CELA1: variants seen among roughly 807,000 people sequenced by gnomAD.
The protein encoded by CELA1 is chymotrypsin like elastase 1, also known as chymotrypsin-like elastase family member 1.
A neutral mutation model predicts 34.8 loss-of-function variants in CELA1; 28 were observed. The observed-to-expected ratio is 0.80, with a 90% CI of 0.60 to 1.10. CELA1 has a LOEUF of 1.10. Ranked by LOEUF, CELA1 falls within the 50% of genes least tolerant of loss-of-function variation. The pLI is 0.00. For synonymous variants in CELA1, 140 were observed against 129.8 expected (o/e 1.08, Z -0.53); for missense variants, 288 against 327.5 (o/e 0.88, Z 0.93).
intron 6 of CELA1, among the ~76,000 whole-genome samples, chr12:51,336,536 A>G (rs1946500563): frequency 6.6e-6 from 1 of 152,218 alleles, no homozygotes; most frequent in Non-Finnish European, 1.5e-5. Context: ...CTGAGGTAGT[A>G]GAATCACTTG....
At chr12:51,341,408 C>T in intron 4 of CELA1, 28 bp from the exon 5 acceptor site, 1 of 1,613,392 alleles carries the variant, frequency 6.2e-7, no homozygotes. Context: ...ACTGCTCACT[C>T]ATGGGATCAG....
chr12:51,337,885 TG>T (rs1259135563), intron 6 of CELA1, among the ~76,000 whole-genome samples: 3 of 150,024 alleles, frequency 2.0e-5, no homozygotes, highest in Non-Finnish European at 4.4e-5. Flanking sequence ...AACTCCAGCC[TG>T]GGCAACAGAG....
intron 6 of CELA1, among the ~76,000 whole-genome samples, chr12:51,330,551 C>T (rs1946463496): frequency 6.6e-6 from 1 of 152,218 alleles, no homozygotes; most frequent in African/African-American, 2.4e-5. Context: ...GATCACCTGA[C>T]AGAGAATCCA....
chr12:51,336,282 G>T (rs1252695067), intron 6 of CELA1, among the ~76,000 whole-genome samples: 1 of 152,048 alleles, frequency 6.6e-6, no homozygotes, highest in Non-Finnish European at 1.5e-5. Flanking sequence ...TTTTTCCCTG[G>T]AATGGGATCT....
At chr12:51,342,880 A>G (rs1374630807) in intron 3 of CELA1, among the ~76,000 whole-genome samples, 180 bp from the exon 4 acceptor site, 2 of 151,598 alleles carry the variant, frequency 1.3e-5, no homozygotes, top group Non-Finnish European at 2.9e-5. Context: ...CCCAGGCTCA[A>G]GTGATCCTCC....
At chr12:51,341,863 T>C (rs1946537642) in intron 4 of CELA1, among the ~76,000 whole-genome samples, 1 of 152,162 alleles carries the variant, frequency 6.6e-6, no homozygotes, top group Admixed American at 6.5e-5. Flanking sequence ...AGATTCACTT[T>C]AGGAAATTTA....
chr12:51,341,381 C>T lies in CELA1; in HGVS notation c.327-1G>A, dbSNP rs1052301365. The T allele has an allele frequency of 6.2e-6, 10 of 1,614,098 alleles. No individual in the cohort carries two copies. Among genetic ancestry groups the T allele is most frequent in the Non-Finnish European group, 8.5e-6 (10 of 1,180,010 alleles). On this transcript the variant is annotated splice_acceptor_variant, in intron 4 of 7. Coordinates refer to ENST00000293636, the MANE Select transcript of CELA1 (RefSeq NM_001971.6). LOFTEE classifies it high-confidence loss of function. The stretch of plus-strand genomic sequence containing the variant: ...CAGGCGCAGCAGGGCGATGTCATAG[C>T]TGCAGGAGAAAAGGAGACTGCTCAC...
At chr12:51,332,288 C>T (rs1202540698) in intron 6 of CELA1, among the ~76,000 whole-genome samples, 8 of 151,554 alleles carry the variant, frequency 5.3e-5, no homozygotes, top group Admixed American at 2.6e-4. Flanking sequence ...TAGTAAATGC[C>T]GAATGTTGAT....
At chr12:51,344,279 A>G (rs757270923) in intron 2 of CELA1, among the ~76,000 whole-genome samples, 4 of 152,152 alleles carry the variant, frequency 2.6e-5, no homozygotes, top group Non-Finnish European at 5.9e-5. Context: ...TGCTGTGTAC[A>G]TGGATGGAGG....
chr12:51,340,747 T>C (rs915318728), intron 5 of CELA1, among the ~76,000 whole-genome samples: 6 of 152,212 alleles, frequency 3.9e-5, no homozygotes, highest in African/African-American at 1.4e-4. Flanking sequence ...GGCACATGCC[T>C]GTAATCCCAG....
Position 51,329,800 on chromosome 12 carries a change from T to C in CELA1, c.643A>G (p.Asn215Asp), listed in dbSNP as rs149297262. 43 of 1,607,822 alleles carry C rather than the reference T, an allele frequency of 2.7e-5. No individual in the cohort carries two copies. In the African/African-American group the frequency reaches 4.8e-4, roughly 18 times the overall value. ...ACTCCATGGACAGAATACTTGCCAT[T>C]CACCAAGCAATGGAGGGGGCCCCCA... ...DSGGPLHCLV[N>D]GKYSVHGVTS... Residue 215 changes from asparagine (N) to aspartate (D), a missense_variant, in exon 7 of 8, where the codon AAT becomes GAT. Coordinates refer to ENST00000293636, the MANE Select transcript of CELA1 (RefSeq NM_001971.6).
At chr12:51,342,506 G>A in intron 4 of CELA1, 69 bp downstream of exon 4, 1 of 1,607,296 alleles carries the variant, frequency 6.2e-7, no homozygotes, top group East Asian at 2.2e-5. Flanking sequence ...AAGAACAGGT[G>A]AAGGCAGCCA....
Position 51,345,816 on chromosome 12 carries a change from C to A in CELA1, c.78G>T (p.Gly26=). ...NARVVGGTEA[G]RNSWPSQISL... ...CCACCTGAGAGGGCCAGGAATTCCT[C>A]CCGGCCTCAGTCCCTCCGACTACGC... The change falls in exon 2 of 8, where the codon GGG becomes GGT. Residue 26 remains glycine (G), a synonymous_variant. Transcript: ENST00000293636. The A allele has an allele frequency of 6.4e-7, 1 of 1,557,628 alleles. No individual in the cohort carries two copies. Among genetic ancestry groups the A allele is most frequent in the East Asian group, 2.4e-5 (1 of 41,630 alleles).
At chr12:51,334,284 A>C (rs1946488541) in intron 6 of CELA1, among the ~76,000 whole-genome samples, 1 of 152,226 alleles carries the variant, frequency 6.6e-6, no homozygotes. Flanking sequence ...TGCATTATGC[A>C]TTAGTCTATT....
chr12:51,341,938 C>G (rs1188242465), intron 4 of CELA1, among the ~76,000 whole-genome samples: 1 of 152,128 alleles, frequency 6.6e-6, no homozygotes, highest in South Asian at 2.1e-4. Context: ...CCCATAGAAA[C>G]AGAACATTAA....
At chr12:51,335,592 T>A (rs1230805316) in intron 6 of CELA1, among the ~76,000 whole-genome samples, 1 of 151,286 alleles carries the variant, frequency 6.6e-6, no homozygotes, top group East Asian at 1.9e-4. Context: ...CTCCATGACT[T>A]GCTGTCCTTA....
intron 6 of CELA1, among the ~76,000 whole-genome samples, chr12:51,338,445 T>G (rs1946513955): frequency 6.6e-6 from 1 of 152,140 alleles, no homozygotes; most frequent in South Asian, 2.1e-4. Flanking sequence ...CCCATAATTC[T>G]GTATGTACTC....
rs769558116 is a variant in CELA1, at chr12:51,339,940, A to C, written c.529T>G (p.Ser177Ala). Residue 177 changes from serine (S) to alanine (A), a missense_variant, in exon 6 of 8, where the codon TCC becomes GCC. Ser to Ala is a moderately conservative substitution (Grantham distance 99). Transcript: ENST00000293636. Reference protein sequence around the residue: ...YLPSVDYAICSSSSYWGSTVK... With the variant: ...YLPSVDYAICASSSYWGSTVK... Reference sequence around the variant, plus strand: ...GTGGAGCCCCAGTAGGAGGAGCTGGAGCAGATGGCGTAGTCCACAGAGGGC... The same window carrying C: ...GTGGAGCCCCAGTAGGAGGAGCTGGCGCAGATGGCGTAGTCCACAGAGGGC... 6.2e-7 allele frequency: 1 copy of C among 1,614,132 alleles called. No individual in the cohort carries two copies. The highest frequency in any genetic ancestry group is 8.5e-7 in the Non-Finnish European group (1 of 1,179,990).
At chr12:51,334,978 C>T (rs567013057) in intron 6 of CELA1, among the ~76,000 whole-genome samples, 1 of 152,128 alleles carries the variant, frequency 6.6e-6, no homozygotes, top group African/African-American at 2.4e-5. Context: ...CCCATACAAC[C>T]CTTTCCCCTT....
Sources: gnomAD v4.1 joint callset for allele counts (sites outside exome capture counted in the v4.1 genomes callset) on GRCh38, gnomAD v4.1.1 for gene constraint, MANE v1.5 for transcripts, NCBI Gene and HGNC (gene_info 2026-07-23, HGNC 2026-07-21) for gene names.